The following CDC73 variants were observed in gnomAD, a reference collection of about 807,000 sequenced individuals.
CDC73 encodes the protein cell division cycle 73.
A neutral mutation model predicts 83.7 loss-of-function variants in CDC73; 21 were observed. The observed-to-expected ratio is 0.25, with a 90% CI of 0.18 to 0.36. CDC73 has a LOEUF of 0.36. Among genes scored for constraint, CDC73 ranks in the 10% least tolerant of loss-of-function variants. The pLI is 1.00. For missense variants in CDC73, 342 were observed against 653.3 expected (o/e 0.52, Z 5.19); for synonymous variants, 224 against 212.9 (o/e 1.05, Z -0.45).
chr1:193,235,178 T>TAA (rs1677735626), intron 14 of CDC73, among the ~76,000 whole-genome samples: 1 of 152,162 alleles, frequency 6.6e-6, no homozygotes, highest in African/African-American at 2.4e-5. Flanking sequence ...TTCTCATGAT[T>TAA]TATCTGCCCT....
chr1:193,130,186 C>T lies in CDC73; in HGVS notation c.250C>T (p.Pro84Ser), dbSNP rs754686636. Residue 84 changes from proline to serine, a missense_variant, in exon 3 of 17, where the codon CCT (proline) becomes TCT (serine). By Grantham distance (74) the Pro-to-Ser change is moderately conservative. Coordinates refer to ENST00000367435, the MANE Select transcript of CDC73 (RefSeq NM_024529.5). ...YVRRAATENI[P>S]VVRRPDRKDL... ...ATTTTGGTTTTAGACTGAAAATATT[C>T]CTGTGGTTAGAAGACCTGATCGAAA... 1.3e-6 allele frequency: 2 copies of T among 1,587,800 alleles called. No individual in the cohort carries two copies. Among genetic ancestry groups the T allele is most frequent in the Non-Finnish European group, 1.7e-6 (2 of 1,156,598 alleles).
rs997709605 is a variant in CDC73 at position 193,136,072 on chromosome 1, G to A, written c.423+483G>A. ...TTTTTTAATAGAGACAGGGTTTTCC[G>A]TGTTGGCCAGGCTACAGAATTCTTT... On this transcript the variant is annotated intron_variant, in intron 5 of 16. Coordinates refer to ENST00000367435, the MANE Select transcript of CDC73 (RefSeq NM_024529.5). 2.6e-5 allele frequency among the ~76,000 whole-genome samples: 4 copies of A among 151,932 alleles called. No homozygotes were observed. In the South Asian group the frequency reaches 8.3e-4, roughly 32 times the overall value.
At position 193,252,004 on chromosome 1, in the gene CDC73, C is replaced by T. The variant is rs895043816; in HGVS notation, c.*1292C>T. On this transcript the variant is annotated 3_prime_UTR_variant, in exon 17 of 17. Coordinates refer to ENST00000367435, the MANE Select transcript of CDC73 (RefSeq NM_024529.5). ...ACATATTTTTGGTGAACGTTTAGGC[C>T]TTTCATAGGTATTAAGCTGACATTA... 2 of 231,288 alleles carry T rather than the reference C, an allele frequency of 8.6e-6. No individual in the cohort carries two copies. Among genetic ancestry groups the T allele is most frequent in the Non-Finnish European group, 1.7e-5 (2 of 116,952 alleles). The allele number at this position is 231,288 out of a possible 1,614,324, so 14.3% of individuals were successfully genotyped here.
chr1:193,169,146 T>C (rs1268310803), intron 10 of CDC73, among the ~76,000 whole-genome samples: 1 of 152,248 alleles, frequency 6.6e-6, no homozygotes, highest in Non-Finnish European at 1.5e-5. Context: ...TCTCATTTTA[T>C]GTCTTTAGAA....
chr1:193,208,194 G>T (rs1361742274), intron 11 of CDC73, among the ~76,000 whole-genome samples: 1 of 152,134 alleles, frequency 6.6e-6, no homozygotes, highest in Non-Finnish European at 1.5e-5. Context: ...GGTTCTGTCA[G>T]ATGTGCCTTT....
rs780780877 is a variant in CDC73 at position 193,122,340 on chromosome 1, G to T, written c.131+9G>T. On this transcript the variant is annotated intron_variant, in intron 1 of 16. Transcript: ENST00000367435. ...AACTATGTTGTTTGGGGGTAAGTCC[G>T]GCATGGCTGTGGCCCAGGGGTGGCA... The T allele has an allele frequency of 1.1e-5, 18 of 1,614,012 alleles. No individual in the cohort carries two copies. Among genetic ancestry groups the T allele is most frequent in the Non-Finnish European group, 1.4e-5 (17 of 1,179,926 alleles).
intron 14 of CDC73, 86 bp from the exon 15 acceptor site, chr1:193,236,170 C>T (rs1355473037): frequency 1.7e-5 from 14 of 839,004 alleles, no homozygotes; most frequent in Admixed American, 8.5e-5. Context: ...GGACTGTTGC[C>T]TAAGGGATTT....
intron 13 of CDC73, among the ~76,000 whole-genome samples, chr1:193,227,225 T>C (rs1248709859): frequency 6.6e-6 from 1 of 152,176 alleles, no homozygotes; most frequent in Non-Finnish European, 1.5e-5. Flanking sequence ...CTTTTCTATT[T>C]TTTTATTTTT....
chr1:193,223,075 A>G (rs1476180268), intron 13 of CDC73, among the ~76,000 whole-genome samples: 1 of 151,822 alleles, frequency 6.6e-6, no homozygotes, highest in Non-Finnish European at 1.5e-5. Flanking sequence ...TGTCTTTGTA[A>G]TTCTTTTTTA....
intron 10 of CDC73, among the ~76,000 whole-genome samples, chr1:193,198,128 A>G (rs1199579863): frequency 6.6e-6 from 1 of 152,188 alleles, no homozygotes; most frequent in African/African-American, 2.4e-5. Flanking sequence ...AACACCTGCC[A>G]TGCACCTGGC....
intron 13 of CDC73, among the ~76,000 whole-genome samples, chr1:193,225,273 T>G (rs1197638499): frequency 6.8e-6 from 1 of 147,438 alleles, no homozygotes; most frequent in Non-Finnish European, 1.5e-5. Context: ...TATATATATA[T>G]CCACATACTA....
intron 15 of CDC73, among the ~76,000 whole-genome samples, chr1:193,248,014 G>A (rs959651079): frequency 6.6e-6 from 1 of 152,110 alleles, no homozygotes; most frequent in Non-Finnish European, 1.5e-5. Flanking sequence ...CATTTTCATC[G>A]TAGATGAAAC....
chr1:193,160,012 GGTTTA>G (rs1201178851), intron 10 of CDC73, among the ~76,000 whole-genome samples: 1 of 151,972 alleles, frequency 6.6e-6, no homozygotes, highest in African/African-American at 2.4e-5. Flanking sequence ...ATTTTTATGT[GGTTTA>G]GTTTATATAT....
chr1:193,163,629 C>T (rs1241215376), intron 10 of CDC73, among the ~76,000 whole-genome samples: 1 of 152,068 alleles, frequency 6.6e-6, no homozygotes, highest in Non-Finnish European at 1.5e-5. Context: ...TCATCTAATA[C>T]TTTCTAATAA....
rs1346613718 is a variant in CDC73 at position 193,122,064 on chromosome 1, G to GGCTGTTAGTGCTGCT, written c.-130_-116dup. 4 of 773,898 alleles carry GGCTGTTAGTGCTGCT rather than the reference G, an allele frequency of 5.2e-6. No individual in the cohort carries two copies. In the East Asian group the frequency reaches 1.1e-4, roughly 21 times the overall value. The allele number at this position is 773,898 out of a possible 1,614,324, so 47.9% of individuals were successfully genotyped here. ...CCCTGCTGCTGTCGTAGGCGAGGAC[G>GGCTGTTAGTGCTGCT]GCTGTTAGTGCTGCTGCTGTTGGTT... On this transcript the variant is annotated 5_prime_UTR_variant, in exon 1 of 17. Transcript: ENST00000367435.
chr1:193,229,685 G>A (rs964612087), intron 13 of CDC73, among the ~76,000 whole-genome samples: 2 of 152,146 alleles, frequency 1.3e-5, no homozygotes, highest in Non-Finnish European at 2.9e-5. Flanking sequence ...CCACTAGCAG[G>A]AGAATGGTAT....
intron 15 of CDC73, among the ~76,000 whole-genome samples, chr1:193,246,352 A>G (rs769798642): frequency 1.4e-4 from 22 of 152,112 alleles, no homozygotes; most frequent in South Asian, 8.3e-4. Flanking sequence ...TCCCTGCATC[A>G]TTTATTGAAG....
intron 10 of CDC73, among the ~76,000 whole-genome samples, chr1:193,198,342 A>G (rs1447569236): frequency 1.3e-5 from 2 of 152,234 alleles, no homozygotes; most frequent in Non-Finnish European, 2.9e-5. Context: ...TGATTAAGTC[A>G]TGAGGGCATG....
Position 193,253,504 on chromosome 1 carries a change from T to A in CDC73, c.*2792T>A, listed in dbSNP as rs529447734. 8.6e-6 allele frequency: 2 copies of A among 232,438 alleles called. No homozygotes were observed. The highest frequency in any genetic ancestry group is 3.6e-4 in the South Asian group (2 of 5,528). 14.4% of individuals were successfully genotyped at this position (232,438 alleles called of 1,614,324 possible). ...TATTCCCATTGACAAATGCAATTTT[T>A]AATTATTTATTTAATATAGGAGTAT... On this transcript the variant is annotated 3_prime_UTR_variant, in exon 17 of 17. Transcript: ENST00000367435.
Sources: allele counts gnomAD v4.1 joint callset (sites outside exome capture counted in the v4.1 genomes callset), GRCh38; gene constraint gnomAD v4.1.1; transcripts MANE v1.5; gene names NCBI Gene and HGNC (gene_info 2026-07-23, HGNC 2026-07-21).